The following GPC5 variants were observed in gnomAD, a reference collection of about 807,000 sequenced individuals.
The protein encoded by GPC5 is glypican-5.
A neutral mutation model predicts 53.9 loss-of-function variants in GPC5; 47 were observed. That is an observed-to-expected ratio of 0.87 (90% CI 0.69 to 1.11). The LOEUF (loss-of-function observed/expected upper bound fraction) is 1.11, where lower values mean the gene tolerates loss of function less well. GPC5 is among the 50% of genes most tolerant of loss of function. The probability of loss-of-function intolerance (pLI) is 0.00; values close to 1 mark genes in which losing one functional copy is unlikely to be tolerated. For synonymous variants in GPC5, 286 were observed against 263.3 expected, an observed-to-expected ratio of 1.09 and a Z score of -0.84; for missense variants, 748 against 713.1, an observed-to-expected ratio of 1.05 and a Z score of -0.56.
chr13:92,137,984 G>A (rs2138972750), intron 6 of GPC5, among the ~76,000 whole-genome samples: 1 of 152,264 alleles, frequency 6.6e-6, no homozygotes, highest in Non-Finnish European at 1.5e-5. Context: ...GGTGCAGGAT[G>A]TTGACAGTGG....
intron 3 of GPC5, among the ~76,000 whole-genome samples, chr13:91,697,350 A>C (rs1026670738): frequency 2.6e-5 from 4 of 151,958 alleles, no homozygotes; most frequent in Admixed American, 6.6e-5. Flanking sequence ...ACTGTATTGG[A>C]CAGGCTGGTC....
At chr13:92,254,735 G>T (rs2042715356) in intron 7 of GPC5, among the ~76,000 whole-genome samples, 1 of 152,138 alleles carries the variant, frequency 6.6e-6, no homozygotes, top group Non-Finnish European at 1.5e-5. Context: ...ATGGTGGCAG[G>T]ACAGAGAAGT....
intron 7 of GPC5, among the ~76,000 whole-genome samples, chr13:92,278,722 G>A (rs2042892990): frequency 6.6e-6 from 1 of 151,784 alleles, no homozygotes; most frequent in African/African-American, 2.4e-5. Context: ...GTGAGGAAGG[G>A]GTTCAACTTT....
At chr13:92,258,817 C>T (rs1173728602) in intron 7 of GPC5, among the ~76,000 whole-genome samples, 1 of 152,128 alleles carries the variant, frequency 6.6e-6, no homozygotes, top group Non-Finnish European at 1.5e-5. Flanking sequence ...TGGAAATGCA[C>T]CTGTAGTCCC....
rs1181921284 is a variant in GPC5, at chr13:91,952,688, A to G, written c.1401+44631A>G. Among the ~76,000 whole-genome samples the G allele has an allele frequency of 2.0e-5, 3 of 152,112 alleles. No homozygotes were observed. The East Asian group carries it at 5.8e-4, about 29-fold the overall frequency. ...AGAAGAGAATTTTTTCCAGGTCTAC[A>G]GGTTCAAAAGCAAAGGAGAGGCCTA... is the stretch of plus-strand genomic sequence containing the variant. On this transcript the variant is annotated intron_variant, in intron 6 of 7. Transcript: ENST00000377067.
In GPC5 at chr13:92,439,764, G is replaced by A. The variant is rs149357049; in HGVS notation, c.1561+294775G>A. On this transcript the variant is annotated intron_variant, in intron 7 of 7. Coordinates refer to ENST00000377067, the MANE Select transcript of GPC5 (RefSeq NM_004466.6). ...GTTGACCTCAAAATTACCAGCTATGGCCAGAAGAAAATAAGAAAGAAGACA... is the reference window on the plus strand; with the variant it reads ...GTTGACCTCAAAATTACCAGCTATGACCAGAAGAAAATAAGAAAGAAGACA... Among the ~76,000 whole-genome samples, 1,297 of 152,162 alleles carry A rather than the reference G, an allele frequency of 8.5e-3. 13 individuals are homozygous for A. The highest frequency in any genetic ancestry group is 0.068 in the Middle Eastern group (20 of 294).
intron 7 of GPC5, among the ~76,000 whole-genome samples, chr13:92,536,591 G>T (rs1881729913): frequency 6.6e-6 from 1 of 152,008 alleles, no homozygotes; most frequent in Non-Finnish European, 1.5e-5. Context: ...TGAAAAGAAA[G>T]TTTATGAGCA....
intron 6 of GPC5, among the ~76,000 whole-genome samples, chr13:92,088,059 C>T (rs2041349796): frequency 6.6e-6 from 1 of 151,962 alleles, no homozygotes; most frequent in South Asian, 2.1e-4. Context: ...TGTGAGCCAC[C>T]ACAGCCGGGC....
At chr13:91,424,513 T>C (rs896838115) in intron 1 of GPC5, among the ~76,000 whole-genome samples, 1 of 151,840 alleles carries the variant, frequency 6.6e-6, no homozygotes, top group Non-Finnish European at 1.5e-5. Context: ...TACAGGCATG[T>C]ACCACCACGC....
At chr13:92,830,116 C>T (rs1878001527) in intron 7 of GPC5, among the ~76,000 whole-genome samples, 1 of 152,112 alleles carries the variant, frequency 6.6e-6, no homozygotes. Flanking sequence ...GAATATGCAA[C>T]TGACCCTCTA....
intron 3 of GPC5, among the ~76,000 whole-genome samples, chr13:91,707,415 G>A (rs987703902): frequency 6.6e-6 from 1 of 152,092 alleles, no homozygotes; most frequent in Non-Finnish European, 1.5e-5. Context: ...TTAAGCCTAG[G>A]AGGTCAAGAC....
chr13:92,079,710 T>C (rs1462125721), intron 6 of GPC5, among the ~76,000 whole-genome samples: 1 of 152,198 alleles, frequency 6.6e-6, no homozygotes, highest in Non-Finnish European at 1.5e-5. Flanking sequence ...CTTTTCCAGG[T>C]TAGACCGCAG....
At position 91,849,970 on chromosome 13, in the gene GPC5, G is replaced by A. The variant is rs3934288; in HGVS notation, c.1281-57967G>A. On this transcript the variant is annotated intron_variant, in intron 5 of 7. Coordinates refer to ENST00000377067, the MANE Select transcript of GPC5 (RefSeq NM_004466.6). ...TTATTGCTCACTGTCTCACAGACTAGAGGCAAAGATGAGGCAGGTATTGAG... is the reference window on the plus strand; with the variant it reads ...TTATTGCTCACTGTCTCACAGACTAAAGGCAAAGATGAGGCAGGTATTGAG... Among the ~76,000 whole-genome samples the A allele has an allele frequency of 7.2e-3, 1,092 of 152,292 alleles. 35 individuals carry two copies. The highest frequency in any genetic ancestry group is 0.056 in the Admixed American group (857 of 15,284).
intron 2 of GPC5, among the ~76,000 whole-genome samples, chr13:91,657,037 A>G (rs1397566892): frequency 1.3e-5 from 2 of 152,136 alleles, no homozygotes; most frequent in African/African-American, 4.8e-5. Flanking sequence ...GTTACTAAAT[A>G]TATATGAGAT....
At chr13:92,631,808 A>G (rs533540768) in intron 7 of GPC5, among the ~76,000 whole-genome samples, 24 of 152,346 alleles carry the variant, frequency 1.6e-4, no homozygotes, top group African/African-American at 5.3e-4. Context: ...GATGTATCAC[A>G]GCCAAAGCAC....
At chr13:92,055,082 T>TA (rs1377663820) in intron 6 of GPC5, among the ~76,000 whole-genome samples, 1 of 152,204 alleles carries the variant, frequency 6.6e-6, no homozygotes, top group East Asian at 1.9e-4. Flanking sequence ...AGGGAATACT[T>TA]ACATCCTTCC....
intron 7 of GPC5, among the ~76,000 whole-genome samples, chr13:92,492,546 TAAAAC>T (rs921391683): frequency 7.3e-5 from 11 of 151,530 alleles, no homozygotes; most frequent in South Asian, 2.1e-4. Flanking sequence ...TAAATAAAAA[TAAAAC>T]AAAACAAAAA....
At chr13:92,496,160 C>T (rs1406299092) in intron 7 of GPC5, among the ~76,000 whole-genome samples, 2 of 152,072 alleles carry the variant, frequency 1.3e-5, no homozygotes, top group African/African-American at 2.4e-5. Context: ...AAAACTTTTA[C>T]AGCTCTTTTA....
At chr13:91,779,535 A>G (rs1470986254) in intron 5 of GPC5, among the ~76,000 whole-genome samples, 1 of 151,900 alleles carries the variant, frequency 6.6e-6, no homozygotes, top group African/African-American at 2.4e-5. Context: ...TAATGTTTGT[A>G]TTTTTTGTAG....
Sources: gnomAD v4.1 joint callset for allele counts (sites outside exome capture counted in the v4.1 genomes callset) on GRCh38, gnomAD v4.1.1 for gene constraint, MANE v1.5 for transcripts, NCBI Gene and HGNC (gene_info 2026-07-23, HGNC 2026-07-21) for gene names.